RPS6KC1: variants seen among roughly 807,000 people sequenced by gnomAD.
RPS6KC1 encodes the protein inactive ribosomal protein S6 kinase delta-1.
RPS6KC1 carries 54 observed loss-of-function variants against 103.8 expected under a neutral mutation model. The ratio of observed to expected loss-of-function variants is 0.52; its 90% CI spans 0.42 to 0.65. The LOEUF is 0.65. Ranked by LOEUF, RPS6KC1 falls within the 30% of genes least tolerant of loss-of-function variation. The pLI is 0.00. For missense variants in RPS6KC1, 1,151 were observed against 1,253.8 expected, an observed-to-expected ratio of 0.92 and a Z score of 1.24; for synonymous variants, 439 against 438.7, an observed-to-expected ratio of 1.00 and a Z score of -0.01.
intron 4 of RPS6KC1, among the ~76,000 whole-genome samples, chr1:213,116,306 A>G (rs1235932185): frequency 4.7e-5 from 7 of 149,962 alleles, no homozygotes; most frequent in Admixed American, 6.7e-5. Flanking sequence ...ACCATTATGT[A>G]ATGGCCTTCT....
At chr1:213,573,423 T>G in the RPS6KC1 span, among the ~76,000 whole-genome samples, 1 of 152,206 alleles carries the variant, frequency 6.6e-6, no homozygotes, top group East Asian at 1.9e-4. Flanking sequence ...GGGACTCTCA[T>G]AAGAAGAATG....
At chr1:213,694,459 A>T in the RPS6KC1 span, among the ~76,000 whole-genome samples, 1 of 152,178 alleles carries the variant, frequency 6.6e-6, no homozygotes, top group African/African-American at 2.4e-5. Flanking sequence ...CTAAAACTAC[A>T]GTTCCTGTAA....
chr1:213,071,254 C>T (rs761498467), intron 2 of RPS6KC1, among the ~76,000 whole-genome samples: 3 of 152,068 alleles, frequency 2.0e-5, no homozygotes, highest in East Asian at 1.9e-4. Context: ...CTCTGCCTCC[C>T]GAGTAGCTGG....
the RPS6KC1 span, among the ~76,000 whole-genome samples, chr1:213,759,874 C>T: frequency 6.6e-6 from 1 of 152,248 alleles, no homozygotes; most frequent in Non-Finnish European, 1.5e-5. Flanking sequence ...CCTTCTCCCT[C>T]ACCTAGCACA....
At chr1:213,685,262 C>T in the RPS6KC1 span, among the ~76,000 whole-genome samples, 9 of 152,122 alleles carry the variant, frequency 5.9e-5, no homozygotes, top group African/African-American at 1.9e-4. Context: ...ATAAGTCCTG[C>T]CTCTATCACA....
intron 9 of RPS6KC1, among the ~76,000 whole-genome samples, chr1:213,231,383 C>T (rs1416752673): frequency 6.6e-6 from 1 of 152,094 alleles, no homozygotes; most frequent in Admixed American, 6.5e-5. Flanking sequence ...AGAGAGAGAA[C>T]CCTCAATTTT....
At chr1:213,121,656 G>A (rs1023465421) in intron 5 of RPS6KC1, among the ~76,000 whole-genome samples, 1 of 152,174 alleles carries the variant, frequency 6.6e-6, no homozygotes, top group Non-Finnish European at 1.5e-5. Flanking sequence ...TTTGAAGGGT[G>A]TAGATTGCTT....
chr1:213,082,268 A>G (rs1157435763), intron 3 of RPS6KC1, among the ~76,000 whole-genome samples: 1 of 151,894 alleles, frequency 6.6e-6, no homozygotes, highest in Non-Finnish European at 1.5e-5. Context: ...AAAATACAAA[A>G]AAGAAAAAAA....
intron 8 of RPS6KC1, among the ~76,000 whole-genome samples, chr1:213,226,040 G>T (rs749587294): frequency 6.6e-6 from 1 of 151,896 alleles, no homozygotes. Flanking sequence ...TGGCTAACAC[G>T]GTGAAACCCT....
chr1:213,720,884 A>C, the RPS6KC1 span, among the ~76,000 whole-genome samples: 1 of 152,250 alleles, frequency 6.6e-6, no homozygotes, highest in Non-Finnish European at 1.5e-5. Flanking sequence ...GCATCAAAGC[A>C]CAGGTAGATC....
At chr1:213,304,326 A>G in the RPS6KC1 span, among the ~76,000 whole-genome samples, 1 of 152,146 alleles carries the variant, frequency 6.6e-6, no homozygotes, top group Non-Finnish European at 1.5e-5. Flanking sequence ...TTTACTTAAA[A>G]TAAAACTGCT....
the RPS6KC1 span, among the ~76,000 whole-genome samples, chr1:213,744,472 T>TC: frequency 1.6e-4 from 25 of 152,094 alleles, no homozygotes; most frequent in Non-Finnish European, 2.2e-4. Context: ...CAAAATATTG[T>TC]CCCCCCATGG....
intron 7 of RPS6KC1, among the ~76,000 whole-genome samples, chr1:213,172,666 A>G (rs950622402): frequency 1.3e-5 from 2 of 152,140 alleles, no homozygotes; most frequent in African/African-American, 4.8e-5. Flanking sequence ...GTGGCTGCCA[A>G]GAGCATTGTA....
chr1:213,456,920 A>G, the RPS6KC1 span, among the ~76,000 whole-genome samples: 3 of 152,158 alleles, frequency 2.0e-5, no homozygotes, highest in Admixed American at 1.3e-4. Flanking sequence ...AGCCCAAGGA[A>G]GCTTGTCAAT....
intron 6 of RPS6KC1, among the ~76,000 whole-genome samples, chr1:213,158,233 A>C (rs147224564): frequency 6.6e-6 from 1 of 152,252 alleles, no homozygotes; most frequent in Non-Finnish European, 1.5e-5. Flanking sequence ...TGTGTAAGCC[A>C]GGTAAATCAG....
chr1:213,076,357 G>A (rs758669915), intron 2 of RPS6KC1, among the ~76,000 whole-genome samples: 1 of 152,150 alleles, frequency 6.6e-6, no homozygotes, highest in Non-Finnish European at 1.5e-5. Flanking sequence ...CATACAGAGG[G>A]TAGGTTTTTT....
chr1:213,183,579 TAA>T (rs35524743), intron 8 of RPS6KC1, among the ~76,000 whole-genome samples: 15 of 151,136 alleles, frequency 9.9e-5, no homozygotes, highest in South Asian at 2.1e-4. Flanking sequence ...CAAAGGGTAT[TAA>T]AAAAAAATGC....
At chr1:213,706,743 C>T in the RPS6KC1 span, among the ~76,000 whole-genome samples, 1 of 152,058 alleles carries the variant, frequency 6.6e-6, no homozygotes, top group South Asian at 2.1e-4. Context: ...GTTTCCTTCC[C>T]TGTGCCCATA....
chr1:213,581,786 C>T, the RPS6KC1 span, among the ~76,000 whole-genome samples: 3 of 152,120 alleles, frequency 2.0e-5, no homozygotes, highest in South Asian at 4.1e-4. Context: ...CTCTCATCAT[C>T]AAGTTTTTGC....
Sources: gnomAD v4.1 joint callset for allele counts (sites outside exome capture counted in the v4.1 genomes callset) on GRCh38, gnomAD v4.1.1 for gene constraint, MANE v1.5 for transcripts, NCBI Gene and HGNC (gene_info 2026-07-23, HGNC 2026-07-21) for gene names.